Variants in DISP3 observed in about 807,000 individuals in gnomAD.
The protein encoded by DISP3 is dispatched RND transporter family member 3.
DISP3 carries 101 observed loss-of-function variants against 135.3 expected under a neutral mutation model. That is an observed-to-expected ratio of 0.75 (90% CI 0.64 to 0.88). The LOEUF (loss-of-function observed/expected upper bound fraction) is 0.88. Ranked by LOEUF, DISP3 falls within the 40% of genes least tolerant of loss-of-function variation. The pLI is 0.00. For missense variants in DISP3, 1,713 were observed against 1,878.6 expected, an observed-to-expected ratio of 0.91 and a Z score of 1.63; for synonymous variants, 856 against 817.0, an observed-to-expected ratio of 1.05 and a Z score of -0.81.
At chr1:11,535,274 G>A (rs2235660) in intron 19 of DISP3, 150 bp downstream of exon 19, 139,365 of 1,019,292 alleles carry the variant, frequency 0.14, 10,367 homozygotes, top group East Asian at 0.27. Context: ...GCATGTCTGT[G>A]CTCCTGAGCA....
At chr1:11,508,357 G>T (rs931294119) in intron 3 of DISP3, among the ~76,000 whole-genome samples, 2 of 152,100 alleles carry the variant, frequency 1.3e-5, no homozygotes, top group African/African-American at 4.8e-5. Flanking sequence ...GTTCAAGGCT[G>T]CAGTGAACTA....
intron 3 of DISP3, among the ~76,000 whole-genome samples, chr1:11,506,875 C>G (rs1641719135): frequency 1.3e-5 from 2 of 152,178 alleles, no homozygotes; most frequent in Admixed American, 1.3e-4. Context: ...GGTTATAGCT[C>G]ACTGCAGCCT....
In DISP3 at chr1:11,517,621, C is replaced by T. The variant is rs760373268; in HGVS notation, c.1889+19C>T. 9 of 1,610,914 alleles carry T rather than the reference C, an allele frequency of 5.6e-6. No homozygotes were observed. The highest frequency in any genetic ancestry group is 7.6e-6 in the Non-Finnish European group (9 of 1,179,758). ...AGACCAGGTAAGTCGGGCAGGGCCT[C>T]CACCCACAGCAGGGTATCCACAACA... is the stretch of plus-strand genomic sequence containing the variant. On this transcript the variant is annotated intron_variant, in intron 7 of 20. Coordinates refer to ENST00000294484, the MANE Select transcript of DISP3 (RefSeq NM_020780.2).
chr1:11,501,826 C>T lies in DISP3; in HGVS notation c.834C>T (p.Ile278=), dbSNP rs1230632324. 2 of 1,611,036 alleles carry T rather than the reference C, an allele frequency of 1.2e-6. No individual in the cohort carries two copies. Among genetic ancestry groups the T allele is most frequent in the South Asian group, 2.2e-5 (2 of 90,798 alleles). The change falls in exon 2 of 21, where the codon ATC becomes ATT. Residue 278 remains isoleucine, a synonymous_variant. Transcript: ENST00000294484. The surrounding 1 kb of genome is among the most constrained non-coding windows in gnomAD (Gnocchi z 4.9). ...ACGCGCACTGGCGCATCGAGCTCAT[C>T]TTCCTGGCGCGCGGCGACGCGGAGC... ...QTHAHWRIEL[I]FLARGDAERN...
In DISP3 at chr1:11,531,022, G is replaced by C; in HGVS notation, c.3218G>C (p.Cys1073Ser). Residue 1073 changes from cysteine to serine, a missense_variant, in exon 16 of 21, where the codon TGC becomes TCC. This residue lies in a region of DISP3 where 1,142 missense variants were observed against 1,384.6 expected (regional missense o/e 0.82). Transcript: ENST00000294484. The surrounding 1 kb of genome is among the most constrained non-coding windows in gnomAD (Gnocchi z 5.2). ...SELVKPGGAQ[C>S]LPSGYSISSF... Reference sequence around the variant, plus strand: ...CTGGTGAAGCCGGGTGGGGCCCAGTGCCTGCCTTCAGGTGCGTGGGGTGTG... The same window carrying C: ...CTGGTGAAGCCGGGTGGGGCCCAGTCCCTGCCTTCAGGTGCGTGGGGTGTG... 6.2e-7 allele frequency: 1 copy of C among 1,613,704 alleles called. No homozygotes were observed. Among genetic ancestry groups the C allele is most frequent in the Non-Finnish European group, 8.5e-7 (1 of 1,179,970 alleles).
At chr1:11,507,869 A>G (rs1641750156) in intron 3 of DISP3, among the ~76,000 whole-genome samples, 1 of 152,216 alleles carries the variant, frequency 6.6e-6, no homozygotes, top group African/African-American at 2.4e-5. Flanking sequence ...AATCTAGAAG[A>G]TACTCTATAA....
Position 11,536,073 on chromosome 1 carries a change from G to A in DISP3, c.3817-251G>A. Among the ~76,000 whole-genome samples the A allele has an allele frequency of 6.6e-6, 1 of 152,126 alleles. No individual in the cohort carries two copies. The highest frequency in any genetic ancestry group is 1.9e-4 in the East Asian group (1 of 5,182). On this transcript the variant is annotated intron_variant, in intron 20 of 20. Coordinates refer to ENST00000294484, the MANE Select transcript of DISP3 (RefSeq NM_020780.2). The surrounding 1 kb of genome is among the most constrained non-coding windows in gnomAD (Gnocchi z 4.3). Reference sequence around the variant, plus strand: ...TTTTTCTTTAGTTTGGAATTGCGTTGGTGTGAAAACATTCACAAATGTGTA... The same window carrying A: ...TTTTTCTTTAGTTTGGAATTGCGTTAGTGTGAAAACATTCACAAATGTGTA...
rs61281914 is a variant in DISP3 at position 11,516,897 on chromosome 1, A to G, written c.1750-566A>G. On this transcript the variant is annotated intron_variant, in intron 6 of 20. Transcript: ENST00000294484. The surrounding 1 kb of genome is among the most constrained non-coding windows in gnomAD (Gnocchi z 5.1). Reference sequence around the variant, plus strand: ...GACCTCTCTGAGCCTCGCTTTCCTCATGTGTGGATTATCCAGGGACTGAGA... The same window carrying G: ...GACCTCTCTGAGCCTCGCTTTCCTCGTGTGTGGATTATCCAGGGACTGAGA... Among the ~76,000 whole-genome samples, 852 of 152,248 alleles carry G rather than the reference A, an allele frequency of 5.6e-3. 8 individuals are homozygous for G. The highest frequency in any genetic ancestry group is 0.02 in the African/African-American group (826 of 41,554).
In DISP3 at chr1:11,501,396, G is replaced by A; in HGVS notation, c.404G>A (p.Arg135Gln). The change falls in exon 2 of 21, where the codon CGG (arginine) becomes CAG (glutamine). Residue 135 changes from arginine to glutamine, a missense_variant. Arg to Gln is a conservative substitution (Grantham distance 43). Transcript: ENST00000294484. The surrounding 1 kb of genome is among the most constrained non-coding windows in gnomAD (Gnocchi z 4.9). ...ALKSQFGSWGRNRRDLADFTS... is the reference protein window; with the variant it reads ...ALKSQFGSWGQNRRDLADFTS... Reference sequence around the variant, plus strand: ...AAGTCCCAGTTTGGATCCTGGGGGCGGAACCGGCGCGATTTGGCCGACTTC... The same window carrying A: ...AAGTCCCAGTTTGGATCCTGGGGGCAGAACCGGCGCGATTTGGCCGACTTC... The A allele has an allele frequency of 1.2e-6, 2 of 1,601,492 alleles. No individual in the cohort carries two copies. The highest frequency in any genetic ancestry group is 1.7e-6 in the Non-Finnish European group (2 of 1,174,096).
At chr1:11,503,973 C>T (rs1467490607) in intron 3 of DISP3, among the ~76,000 whole-genome samples, 2 of 152,122 alleles carry the variant, frequency 1.3e-5, no homozygotes, top group Non-Finnish European at 2.9e-5. Context: ...CCCTCCCCAC[C>T]AGAACAGAGC....
rs748354308 is a variant in DISP3, at chr1:11,532,793, G to A, written c.3375+1083G>A. ...GCTCACTGCAACCTCCACCTCCCGG[G>A]TTCAAGCACTTCTCCCACCTCAGCC... On this transcript the variant is annotated intron_variant, in intron 17 of 20. Coordinates refer to ENST00000294484, the MANE Select transcript of DISP3 (RefSeq NM_020780.2). Among the ~76,000 whole-genome samples, 276 of 152,262 alleles carry A rather than the reference G, an allele frequency of 1.8e-3. 6 individuals are homozygous for A. Among genetic ancestry groups the A allele is most frequent in the Non-Finnish European group, 5.9e-4 (40 of 68,022 alleles).
At chr1:11,522,716 G>GACCCAGCCAGA (rs1642257771) in intron 10 of DISP3, among the ~76,000 whole-genome samples, 23 of 48,634 alleles carry the variant, frequency 4.7e-4, no homozygotes, top group Admixed American at 9.7e-4. Context: ...ACCCAGCCAG[G>GACCCAGCCAGA]GCCCAGCCAG....
Position 11,514,746 on chromosome 1 carries a change from G to A in DISP3, c.1453+220G>A, listed in dbSNP as rs567454380. Among the ~76,000 whole-genome samples the A allele has an allele frequency of 3.3e-5, 5 of 152,340 alleles. No individual in the cohort carries two copies. In the East Asian group the frequency reaches 7.7e-4, roughly 23 times the overall value. ...GCCCGGGTCACACCCTCTACCCTGG[G>A]CCCCTGCACAGTTGGACCTTTTGCC... On this transcript the variant is annotated intron_variant, in intron 4 of 20. Coordinates refer to ENST00000294484, the MANE Select transcript of DISP3 (RefSeq NM_020780.2).
At chr1:11,522,011 C>T (rs1040959994) in intron 10 of DISP3, among the ~76,000 whole-genome samples, 4 of 151,974 alleles carry the variant, frequency 2.6e-5, no homozygotes, top group Non-Finnish European at 5.9e-5. Flanking sequence ...CTGATGGCAG[C>T]GATGGTGGAG....
intron 2 of DISP3, 98 bp from the exon 3 acceptor site, chr1:11,502,580 C>G: frequency 1.0e-6 from 1 of 967,042 alleles, no homozygotes; most frequent in African/African-American, 1.6e-5. Flanking sequence ...AGGGGGAATC[C>G]TGGGAGGCAG....
At chr1:11,527,446 G>A (rs1301310258) in intron 13 of DISP3, among the ~76,000 whole-genome samples, 1 of 152,130 alleles carries the variant, frequency 6.6e-6, no homozygotes, top group African/African-American at 2.4e-5. Flanking sequence ...CTACTCAGGA[G>A]GCTGAGGCAG....
intron 17 of DISP3, chr1:11,533,614 C>A (rs1450082424): frequency 4.8e-6 from 3 of 620,024 alleles, no homozygotes; most frequent in Non-Finnish European, 8.7e-6. Flanking sequence ...AGTGTCAGAA[C>A]TCACCTCCCT....
At position 11,512,509 on chromosome 1, in the gene DISP3, A is replaced by G. The variant is rs1027692337; in HGVS notation, c.1317-1881A>G. Among the ~76,000 whole-genome samples, 4 of 152,288 alleles carry G rather than the reference A, an allele frequency of 2.6e-5. No individual in the cohort carries two copies. The East Asian group carries it at 5.8e-4, about 22-fold the overall frequency. On this transcript the variant is annotated intron_variant, in intron 3 of 20. Coordinates refer to ENST00000294484, the MANE Select transcript of DISP3 (RefSeq NM_020780.2). Reference sequence around the variant, plus strand: ...AAGAGTCACCTTTGCTCCAGTTCCCAACAAATTCCTCATCTCCATCTGAGA... The same window carrying G: ...AAGAGTCACCTTTGCTCCAGTTCCCGACAAATTCCTCATCTCCATCTGAGA...
rs745349361 is a variant in DISP3 at position 11,501,652 on chromosome 1, C to A, written c.660C>A (p.Asp220Glu). ...LEDLAANQSEDPRNQRLSKNG... is the reference protein window; with the variant it reads ...LEDLAANQSEEPRNQRLSKNG... ...ATCTGGCAGCCAACCAGAGTGAAGA[C>A]CCGCGAAACCAGCGGCTGAGCAAGA... Residue 220 changes from aspartate to glutamate, a missense_variant, in exon 2 of 21, where the codon GAC (aspartate) becomes GAA (glutamate). This residue lies in a region of DISP3 where 571 missense variants were observed against 494.1 expected (regional missense o/e 1.16). Transcript: ENST00000294484. This position sits in a 1 kb window ranked among gnomAD's most constrained non-coding sequence, Gnocchi z 4.9. 4.3e-6 allele frequency: 7 copies of A among 1,609,286 alleles called. No individual in the cohort carries two copies. Among genetic ancestry groups the A allele is most frequent in the Non-Finnish European group, 5.9e-6 (7 of 1,178,438 alleles).
Sources: gnomAD v4.1 joint callset for allele counts (sites outside exome capture counted in the v4.1 genomes callset) on GRCh38, gnomAD v4.1.1 for gene constraint, gnomAD v4.1.1 regional missense constraint, Gnocchi (gnomAD v3.1) non-coding constraint, MANE v1.5 for transcripts, NCBI Gene and HGNC (gene_info 2026-07-23, HGNC 2026-07-21) for gene names.